Variants in CHKA observed in about 807,000 individuals in gnomAD.
CHKA encodes CHETK-alpha.
A neutral mutation model predicts 60.1 loss-of-function variants in CHKA; 34 were observed. The ratio of observed to expected loss-of-function variants is 0.57; its 90% confidence interval spans 0.43 to 0.75. The LOEUF is 0.75. CHKA is among the 30% of genes least tolerant of loss of function. CHKA has a pLI of 0.00. For synonymous variants in CHKA, 217 were observed against 223.1 expected, an observed-to-expected ratio of 0.97 and a Z score of 0.24; for missense variants, 563 against 561.3, an observed-to-expected ratio of 1.00 and a Z score of -0.03.
At chr11:68,068,792 G>A in intron 7 of CHKA, 87 bp downstream of exon 7, 1 of 848,174 alleles carries the variant, frequency 1.2e-6, no homozygotes, top group South Asian at 1.4e-5. Context: ...TACTCTTGAT[G>A]CTACCTTACA....
intron 6 of CHKA, 141 bp downstream of exon 6, chr11:68,070,048 A>T: frequency 1.4e-6 from 1 of 689,660 alleles, no homozygotes; most frequent in South Asian, 1.7e-5. Context: ...CCATAATTCC[A>T]GATGACAAAA....
At chr11:68,054,485 G>A (rs538464487) in intron 11 of CHKA, among the ~76,000 whole-genome samples, 8 of 152,220 alleles carry the variant, frequency 5.3e-5, no homozygotes, top group South Asian at 4.2e-4. Context: ...CCTATTTCCC[G>A]GGATCTCCTG....
At chr11:68,069,156 C>T (rs545001091) in intron 6 of CHKA, among the ~76,000 whole-genome samples, 3 of 152,210 alleles carry the variant, frequency 2.0e-5, no homozygotes, top group Non-Finnish European at 2.9e-5. Flanking sequence ...CTGCATGTGC[C>T]GCTCCCTCCT....
At chr11:68,105,483 C>T (rs1857878175) in intron 1 of CHKA, among the ~76,000 whole-genome samples, 1 of 138,872 alleles carries the variant, frequency 7.2e-6, no homozygotes, top group African/African-American at 2.7e-5. Flanking sequence ...CCACTGTACT[C>T]CAGCCTGGGC....
chr11:68,110,049 ACTAT>A (rs1243923995), intron 1 of CHKA, among the ~76,000 whole-genome samples: 5 of 152,224 alleles, frequency 3.3e-5, no homozygotes, highest in African/African-American at 7.2e-5. Context: ...ATGGAGAAAA[ACTAT>A]CTGACAAAAT....
chr11:68,113,847 T>C (rs7123183), intron 1 of CHKA, among the ~76,000 whole-genome samples: 86,923 of 151,700 alleles, frequency 0.57, 24,989 homozygotes, highest in Middle Eastern at 0.71. Flanking sequence ...AAAAATTAGC[T>C]AGGCGTAGTG....
chr11:68,071,088 C>T (rs1372770146), intron 4 of CHKA, among the ~76,000 whole-genome samples: 1 of 152,176 alleles, frequency 6.6e-6, no homozygotes, highest in African/African-American at 2.4e-5. Flanking sequence ...TCATTTTGAA[C>T]CCTTTTTAAC....
intron 1 of CHKA, among the ~76,000 whole-genome samples, chr11:68,113,619 C>G (rs551384044): frequency 6.6e-6 from 1 of 152,140 alleles, no homozygotes; most frequent in East Asian, 1.9e-4. Flanking sequence ...TGCTTGAACC[C>G]GGGAGGCGGA....
At chr11:68,090,089 A>C (rs1411916485) in intron 2 of CHKA, among the ~76,000 whole-genome samples, 6 of 152,250 alleles carry the variant, frequency 3.9e-5, no homozygotes, top group Non-Finnish European at 8.8e-5. Flanking sequence ...ATATGTAAAA[A>C]TTAGACATAG....
chr11:68,066,565 A>C, intron 7 of CHKA, 49 bp from the exon 8 acceptor site: 8 of 1,397,714 alleles, frequency 5.7e-6, no homozygotes, highest in Non-Finnish European at 7.1e-6. Context: ...TAGAAGGCTC[A>C]AGTCCTTGAA....
chr11:68,074,665 C>T (rs921014127), intron 4 of CHKA, 52 bp downstream of exon 4: 8 of 1,498,400 alleles, frequency 5.3e-6, no homozygotes, highest in Non-Finnish European at 7.4e-6. Context: ...GACAAAGAAG[C>T]CATCTTCTGT....
chr11:68,097,149 C>T lies in CHKA; in HGVS notation c.351-19G>A, dbSNP rs1162330883. Reference sequence around the variant, plus strand: ...GCCGCCTCTGTCAGAAATAAGAGGACAGTAAGTATCTTTATTGCAGGTGAG... The same window carrying T: ...GCCGCCTCTGTCAGAAATAAGAGGATAGTAAGTATCTTTATTGCAGGTGAG... On this transcript the variant is annotated intron_variant, in intron 1 of 11. Transcript: ENST00000265689. 6.3e-7 allele frequency: 1 copy of T among 1,577,596 alleles called. No homozygotes were observed. The highest frequency in any genetic ancestry group is 1.7e-5 in the Admixed American group (1 of 58,884).
intron 3 of CHKA, among the ~76,000 whole-genome samples, chr11:68,080,544 C>G (rs1232722548): frequency 6.6e-6 from 1 of 152,062 alleles, no homozygotes; most frequent in African/African-American, 2.4e-5. Context: ...GACGGGGTTT[C>G]ACCTTGTTGG....
At chr11:68,060,842 T>C (rs1031302171) in intron 11 of CHKA, among the ~76,000 whole-genome samples, 1 of 152,176 alleles carries the variant, frequency 6.6e-6, no homozygotes, top group Admixed American at 6.5e-5. Flanking sequence ...AAATCCAATG[T>C]CCCCTTCTTT....
intron 1 of CHKA, among the ~76,000 whole-genome samples, chr11:68,119,329 A>G (rs1284732380): frequency 1.3e-5 from 2 of 152,210 alleles, no homozygotes; most frequent in Non-Finnish European, 2.9e-5. Flanking sequence ...GGCTCTGGTG[A>G]AAGACAGTGG....
At chr11:68,109,791 A>C (rs1183220924) in intron 1 of CHKA, among the ~76,000 whole-genome samples, 2 of 152,110 alleles carry the variant, frequency 1.3e-5, no homozygotes, top group Non-Finnish European at 2.9e-5. Flanking sequence ...GTCTGTACTG[A>C]AAATACAAAA....
chr11:68,104,628 G>C (rs529248135), intron 1 of CHKA, among the ~76,000 whole-genome samples: 1 of 151,868 alleles, frequency 6.6e-6, no homozygotes, highest in African/African-American at 2.4e-5. Context: ...GCACCATGTT[G>C]GTCAGCTGGT....
chr11:68,113,041 C>T (rs1858227460), intron 1 of CHKA, among the ~76,000 whole-genome samples: 1 of 120,820 alleles, frequency 8.3e-6, no homozygotes, highest in African/African-American at 3.2e-5. Flanking sequence ...AAGATCGCAC[C>T]ACTGCACTCT....
intron 1 of CHKA, among the ~76,000 whole-genome samples, chr11:68,119,769 G>A (rs796704196): frequency 3.3e-5 from 5 of 150,944 alleles, no homozygotes; most frequent in Non-Finnish European, 4.4e-5. Flanking sequence ...CGCCCGGCCC[G>A]GGAACACATC....
Sources: gnomAD v4.1 joint callset for allele counts (sites outside exome capture counted in the v4.1 genomes callset) on GRCh38, gnomAD v4.1.1 for gene constraint, MANE v1.5 for transcripts, NCBI Gene and HGNC (gene_info 2026-07-23, HGNC 2026-07-21) for gene names.